Variants in PTPRS observed in about 807,000 individuals in gnomAD.
PTPRS encodes receptor-type tyrosine-protein phosphatase S.
In PTPRS, 63 loss-of-function variants were observed where a neutral mutation model predicts 215.3. The observed-to-expected ratio is 0.29, with a 90% CI of 0.24 to 0.36. The LOEUF (loss-of-function observed/expected upper bound fraction) is 0.36, where lower values mean the gene tolerates loss of function less well. Among genes scored for constraint, PTPRS ranks in the 10% least tolerant of loss-of-function variants. PTPRS has a pLI of 1.00. For synonymous variants in PTPRS, 1,404 were observed against 1,191.4 expected, an observed-to-expected ratio of 1.18 and a Z score of -3.68; for missense variants, 2,258 against 2,825.8, an observed-to-expected ratio of 0.80 and a Z score of 4.56.
At chr19:5,268,462 A>G (rs1297837207) in intron 4 of PTPRS, among the ~76,000 whole-genome samples, 1 of 152,008 alleles carries the variant, frequency 6.6e-6, no homozygotes, top group East Asian at 1.9e-4. Context: ...CCGTGGACAG[A>G]GGTGGGCAGG....
chr19:5,309,860 G>A (rs929853560), intron 1 of PTPRS, among the ~76,000 whole-genome samples: 20 of 151,582 alleles, frequency 1.3e-4, no homozygotes, highest in African/African-American at 4.4e-4. Flanking sequence ...GTCCCCCAGC[G>A]TCTGCACTCA....
At chr19:5,211,447 A>T in intron 33 of PTPRS, 143 bp downstream of exon 33, 1 of 786,618 alleles carries the variant, frequency 1.3e-6, no homozygotes, top group Non-Finnish European at 1.9e-6. Context: ...GCCATCAGTT[A>T]AATATACATC....
At position 5,228,347 on chromosome 19, in the gene PTPRS, G is replaced by GA. The variant is rs71170899; in HGVS notation, c.2376+968dup. 4.6e-4 allele frequency among the ~76,000 whole-genome samples: 49 copies of GA among 105,888 alleles called. 1 individual carries two copies. The highest frequency in any genetic ancestry group is 1.1e-3 in the African/African-American group (25 of 23,366). 69.5% of individuals were successfully genotyped at this position (105,888 alleles called of 152,430 possible). On this transcript the variant is annotated intron_variant, in intron 16 of 37. Coordinates refer to ENST00000262963, the MANE Select transcript of PTPRS (RefSeq NM_002850.4). ...GCGATAGTGTGAGACTCCGTCTGGAGAAAAAAAAAAAAAAAAGAGACAGGG... is the reference window on the plus strand; with the variant it reads ...GCGATAGTGTGAGACTCCGTCTGGAGAAAAAAAAAAAAAAAAAGAGACAGGG...
chr19:5,335,371 T>C (rs1394653612), intron 1 of PTPRS, among the ~76,000 whole-genome samples: 1 of 152,166 alleles, frequency 6.6e-6, no homozygotes, highest in Non-Finnish European at 1.5e-5. Flanking sequence ...CAACCCGCCC[T>C]AGTTTGCACA....
intron 13 of PTPRS, among the ~76,000 whole-genome samples, chr19:5,235,795 G>C (rs1217762301): frequency 6.6e-6 from 1 of 152,238 alleles, no homozygotes; most frequent in Non-Finnish European, 1.5e-5. Flanking sequence ...AGTATGTTAA[G>C]GTCTTTGCTG....
intron 1 of PTPRS, among the ~76,000 whole-genome samples, chr19:5,286,999 A>G (rs966535546): frequency 1.3e-5 from 2 of 152,124 alleles, no homozygotes; most frequent in African/African-American, 4.8e-5. Context: ...CTGATCCCCC[A>G]GGTTATAAGA....
intron 1 of PTPRS, among the ~76,000 whole-genome samples, chr19:5,310,084 C>A (rs2049645776): frequency 6.6e-6 from 1 of 152,168 alleles, no homozygotes. Context: ...TCTGCTCCAG[C>A]CACACAGGCC....
chr19:5,253,384 T>C (rs1016656888), intron 9 of PTPRS, among the ~76,000 whole-genome samples: 2 of 152,196 alleles, frequency 1.3e-5, no homozygotes, highest in Non-Finnish European at 2.9e-5. Flanking sequence ...CTTTTTGCAA[T>C]TAATTCCTGT....
At chr19:5,222,590 A>G (rs1599461839) in intron 18 of PTPRS, 99 bp downstream of exon 18, 1 of 1,294,728 alleles carries the variant, frequency 7.7e-7, no homozygotes, top group East Asian at 2.8e-5. Context: ...GGAAGCAGAA[A>G]AGTGAGCACT....
At chr19:5,232,796 T>C (rs998115429) in intron 13 of PTPRS, among the ~76,000 whole-genome samples, 6 of 128,754 alleles carry the variant, frequency 4.7e-5, no homozygotes, top group Non-Finnish European at 1.0e-4. Context: ...CTCCATAGAA[T>C]GATAGCAAAA....
chr19:5,284,366 T>C (rs2048143781), intron 2 of PTPRS, among the ~76,000 whole-genome samples: 1 of 137,206 alleles, frequency 7.3e-6, no homozygotes, highest in South Asian at 2.3e-4. Flanking sequence ...TCACAAAAAA[T>C]TAATTAATTA....
Position 5,244,151 on chromosome 19 carries a change from C to G in PTPRS, c.1320G>C (p.Ala440=), listed in dbSNP as rs139082822. 1.2e-6 allele frequency: 2 copies of G among 1,601,766 alleles called. No homozygotes were observed. The highest frequency in any genetic ancestry group is 1.7e-6 in the Non-Finnish European group (2 of 1,174,294). The change falls in exon 11 of 38, where the codon GCG becomes GCC. Residue 440 remains alanine (A), a synonymous_variant. Transcript: ENST00000262963. The surrounding 1 kb of genome is among the most constrained non-coding windows in gnomAD (Gnocchi z 7.2). ...CCTCCCACTGCACAATCATGGTGGT[C>G]GCGCTGAGCATCCGGGCTTGCACGT... ...PRNVQARMLS[A]TTMIVQWEEP...
intron 1 of PTPRS, among the ~76,000 whole-genome samples, chr19:5,300,860 G>A (rs2049282956): frequency 6.6e-6 from 1 of 151,538 alleles, no homozygotes; most frequent in South Asian, 2.1e-4. Context: ...ACATGAAAGA[G>A]TGAAGACATC....
chr19:5,245,493 A>G (rs114954379), intron 10 of PTPRS, among the ~76,000 whole-genome samples: 2,638 of 151,456 alleles, frequency 0.017, 68 homozygotes, highest in African/African-American at 0.06. Flanking sequence ...GGGCCTGGCT[A>G]TGTTGCCCAG....
At chr19:5,224,219 C>T (rs12979710) in intron 17 of PTPRS, among the ~76,000 whole-genome samples, 49,927 of 151,924 alleles carry the variant, frequency 0.33, 9,895 homozygotes, top group East Asian at 0.6. Flanking sequence ...ACTTAAGAAG[C>T]AAAGACTTGA....
chr19:5,213,763 T>A (rs542402419), intron 30 of PTPRS, among the ~76,000 whole-genome samples: 1 of 152,336 alleles, frequency 6.6e-6, no homozygotes, highest in East Asian at 1.9e-4. Flanking sequence ...ATGACCTGGC[T>A]GGGTGTTGGG....
chr19:5,231,189 G>A lies in PTPRS; in HGVS notation c.2155+121C>T, dbSNP rs550706913. 2.5e-4 allele frequency: 282 copies of A among 1,109,654 alleles called. 2 individuals are homozygous for A. The East Asian group carries it at 6.6e-3, about 26-fold the overall frequency. The allele number at this position is 1,109,654 out of a possible 1,614,324, so 68.7% of individuals were successfully genotyped here. A position where few individuals can be genotyped will look rare whatever the true frequency, so the allele number is the denominator to read the frequency against. On this transcript the variant is annotated intron_variant, in intron 14 of 37. Coordinates refer to ENST00000262963, the MANE Select transcript of PTPRS (RefSeq NM_002850.4). ...TTCTCGGGGAGGCTGCTTGCTTCCC[G>A]ACTTCCTCCGAGTGAGGCTTCCGCC...
At position 5,231,458 on chromosome 19, in the gene PTPRS, C is replaced by G; in HGVS notation, c.2007G>C (p.Lys669Asn). 6.2e-7 allele frequency: 1 copy of G among 1,612,864 alleles called. No individual in the cohort carries two copies. The highest frequency in any genetic ancestry group is 8.5e-7 in the Non-Finnish European group (1 of 1,179,834). The change falls in exon 14 of 38, where the codon AAG becomes AAC. Residue 669 changes from lysine to asparagine, a missense_variant. Lys to Asn is a moderately conservative substitution (Grantham distance 94). Around this residue, in one of 6 missense-constraint regions of PTPRS, gnomAD observed 371 missense variants for 446.7 expected, o/e 0.83. Transcript: ENST00000262963. ...RPLGSEDPEP[K>N]EVNGIPPTTT... ...TGGTCGGGGGGATGCCGTTCACCTC[C>G]TTGGGTTCCGGGTCCTCTGAGCCCA...
chr19:5,239,540 A>G (rs2043827740), intron 12 of PTPRS, among the ~76,000 whole-genome samples: 1 of 151,514 alleles, frequency 6.6e-6, no homozygotes, highest in African/African-American at 2.4e-5. Flanking sequence ...AGAAATTGAG[A>G]AGGAGACAGA....
Sources: allele counts gnomAD v4.1 joint callset (sites outside exome capture counted in the v4.1 genomes callset), GRCh38; gene constraint gnomAD v4.1.1; regional missense constraint gnomAD v4.1.1; non-coding constraint Gnocchi (gnomAD v3.1); transcripts MANE v1.5; gene names NCBI Gene and HGNC (gene_info 2026-07-23, HGNC 2026-07-21).